PRKN: variants seen among roughly 807,000 people sequenced by gnomAD.
PRKN encodes E3 ubiquitin-protein ligase parkin.
A neutral mutation model predicts 59.5 loss-of-function variants in PRKN; 56 were observed. That is an observed-to-expected ratio of 0.94 (90% CI 0.76 to 1.18). The LOEUF (loss-of-function observed/expected upper bound fraction) is 1.18. Ranked by LOEUF, PRKN falls within the 50% of genes most tolerant of loss-of-function variation. The probability of loss-of-function intolerance (pLI) is 0.00; values close to 1 mark genes in which losing one functional copy is unlikely to be tolerated. For missense variants in PRKN, 657 were observed against 596.4 expected, an observed-to-expected ratio of 1.10 and a Z score of -1.06; for synonymous variants, 250 against 222.1, an observed-to-expected ratio of 1.13 and a Z score of -1.12.
chr6:161,814,495 G>A (rs1007999473), intron 6 of PRKN, among the ~76,000 whole-genome samples: 4 of 152,068 alleles, frequency 2.6e-5, no homozygotes, highest in Admixed American at 2.6e-4. Context: ...TGTGTGCAGG[G>A]GAACTGCCTT....
intron 4 of PRKN, among the ~76,000 whole-genome samples, chr6:162,125,010 T>C (rs9355982): frequency 0.39 from 59,312 of 151,986 alleles, 12,015 homozygotes; most frequent in African/African-American, 0.47. Context: ...AATGCTTGCA[T>C]AGGAAGCTCT....
chr6:162,071,334 C>T lies in PRKN; in HGVS notation c.535-17160G>A, dbSNP rs192694181. On this transcript the variant is annotated intron_variant, in intron 4 of 11. Transcript: ENST00000366898. ...TTTCCCCACTTTCTGACAATGTGGCCCATTTTGATTTTCCTTTATTGTTAT... is the reference window on the plus strand; with the variant it reads ...TTTCCCCACTTTCTGACAATGTGGCTCATTTTGATTTTCCTTTATTGTTAT... 1.8e-3 allele frequency among the ~76,000 whole-genome samples: 277 copies of T among 151,542 alleles called. 1 individual carries two copies. Among genetic ancestry groups the T allele is most frequent in the Admixed American group, 3.7e-3 (56 of 15,248 alleles).
At chr6:162,443,838 C>G (rs1305268345) in intron 1 of PRKN, among the ~76,000 whole-genome samples, 1 of 152,124 alleles carries the variant, frequency 6.6e-6, no homozygotes, top group African/African-American at 2.4e-5. Context: ...CACACTCACA[C>G]TCCCTCCACA....
In PRKN at chr6:162,520,863, T is replaced by A. The variant is rs752762379; in HGVS notation, c.8-77390A>T. On this transcript the variant is annotated intron_variant, in intron 1 of 11. Coordinates refer to ENST00000366898, the MANE Select transcript of PRKN (RefSeq NM_004562.3). Reference sequence around the variant, plus strand: ...CCAATGACTTTCGCTAAGCAAATCTTTTTAAAACAGCTCAAATAGTATGAG... The same window carrying A: ...CCAATGACTTTCGCTAAGCAAATCTATTTAAAACAGCTCAAATAGTATGAG... Among the ~76,000 whole-genome samples, 35 of 152,204 alleles carry A rather than the reference T, an allele frequency of 2.3e-4. 1 individual carries two copies. Among genetic ancestry groups the A allele is most frequent in the Non-Finnish European group, 4.4e-4 (30 of 68,036 alleles).
At chr6:162,292,667 A>G (rs780454037) in intron 2 of PRKN, among the ~76,000 whole-genome samples, 9 of 152,348 alleles carry the variant, frequency 5.9e-5, no homozygotes, top group Middle Eastern at 3.4e-3. Context: ...GGATACCCAC[A>G]GGATGTGTGA....
intron 3 of PRKN, among the ~76,000 whole-genome samples, chr6:162,257,107 T>A (rs1047462975): frequency 2.6e-5 from 4 of 152,130 alleles, no homozygotes; most frequent in African/African-American, 9.7e-5. Context: ...CAGCTTTTTG[T>A]CAATTGCATG....
chr6:161,817,622 G>T (rs1791843312), intron 6 of PRKN, among the ~76,000 whole-genome samples: 1 of 152,232 alleles, frequency 6.6e-6, no homozygotes, highest in East Asian at 1.9e-4. Context: ...TTATTTTTAA[G>T]AAAAGTTAAC....
Position 161,503,587 on chromosome 6 carries a change from G to A in PRKN, c.1083+45267C>T, listed in dbSNP as rs997112357. On this transcript the variant is annotated intron_variant, in intron 9 of 11. Transcript: ENST00000366898. The surrounding 1 kb of genome is among the most constrained non-coding windows in gnomAD (Gnocchi z 5.1). ...CAGAGGTTTATGGAGGTGAGGGACT[G>A]GACTGAGGGGGCTATGGGGGCGACC... is the stretch of plus-strand genomic sequence containing the variant. Among the ~76,000 whole-genome samples the A allele has an allele frequency of 1.3e-5, 2 of 152,150 alleles. No individual in the cohort carries two copies. Among genetic ancestry groups the A allele is most frequent in the African/African-American group, 4.8e-5 (2 of 41,416 alleles).
chr6:161,520,013 G>A (rs1480802293), intron 9 of PRKN, among the ~76,000 whole-genome samples: 2 of 152,120 alleles, frequency 1.3e-5, no homozygotes, highest in African/African-American at 4.8e-5. Context: ...GTGGGGAGGA[G>A]GAATAGCTTG....
intron 2 of PRKN, among the ~76,000 whole-genome samples, chr6:162,377,028 A>G (rs533314118): frequency 6.6e-6 from 1 of 152,140 alleles, no homozygotes; most frequent in Non-Finnish European, 1.5e-5. Flanking sequence ...CTTAGCAGGA[A>G]CCGCTGCAGC....
At chr6:161,674,910 A>G (rs1785034813) in intron 7 of PRKN, among the ~76,000 whole-genome samples, 1 of 152,202 alleles carries the variant, frequency 6.6e-6, no homozygotes, top group South Asian at 2.1e-4. Flanking sequence ...AGGCAGCGCC[A>G]AGGAGCCCCT....
At chr6:161,849,582 T>A (rs1490181077) in intron 6 of PRKN, among the ~76,000 whole-genome samples, 6 of 152,190 alleles carry the variant, frequency 3.9e-5, no homozygotes, top group Admixed American at 3.9e-4. Context: ...TGCACTGATT[T>A]ACCTGCCTTT....
chr6:162,556,372 T>TGTGTGTGTGTGTGCGC (rs1779592530), intron 1 of PRKN, among the ~76,000 whole-genome samples: 2 of 99,372 alleles, frequency 2.0e-5, no homozygotes, highest in East Asian at 7.4e-4. Flanking sequence ...TGTGTGTGTG[T>TGTGTGTGTGTGTGCGC]GTGTGTGTGT....
intron 1 of PRKN, among the ~76,000 whole-genome samples, chr6:162,671,869 G>A (rs1350053747): frequency 6.6e-6 from 1 of 152,116 alleles, no homozygotes; most frequent in African/African-American, 2.4e-5. Context: ...GGCAGGTGCT[G>A]AGAGGAGGAG....
At position 161,487,914 on chromosome 6, in the gene PRKN, T is replaced by A. The variant is rs1351525624; in HGVS notation, c.1083+60940A>T. Among the ~76,000 whole-genome samples, 1 of 152,118 alleles carries A rather than the reference T, an allele frequency of 6.6e-6. No homozygotes were observed. The highest frequency in any genetic ancestry group is 1.5e-5 in the Non-Finnish European group (1 of 68,036). ...TCCTTCCTCTTTTTCTTCCCTCCCG[T>A]CATTAAACACATATTTACTGAATAC... On this transcript the variant is annotated intron_variant, in intron 9 of 11. Coordinates refer to ENST00000366898, the MANE Select transcript of PRKN (RefSeq NM_004562.3). The surrounding 1 kb of genome is among the most constrained non-coding windows in gnomAD (Gnocchi z 5.3).
intron 4 of PRKN, among the ~76,000 whole-genome samples, chr6:162,117,703 C>G (rs760546876): frequency 2.6e-5 from 4 of 152,222 alleles, no homozygotes; most frequent in Admixed American, 6.5e-5. Context: ...GTTCCAGGCT[C>G]CATCCTTTCT....
rs561266371 is a variant in PRKN at position 162,527,371 on chromosome 6, G to A, written c.8-83898C>T. ...ATGCAAAAACCGTTTTCACCAACAGGAAAATCCAAAATAAGTACATTCGAG... is the reference window on the plus strand; with the variant it reads ...ATGCAAAAACCGTTTTCACCAACAGAAAAATCCAAAATAAGTACATTCGAG... On this transcript the variant is annotated intron_variant, in intron 1 of 11. Coordinates refer to ENST00000366898, the MANE Select transcript of PRKN (RefSeq NM_004562.3). Among the ~76,000 whole-genome samples the A allele has an allele frequency of 9.1e-4, 139 of 152,176 alleles. 3 individuals are homozygous for A. In the Middle Eastern group the frequency reaches 0.044, roughly 48 times the overall value.
At chr6:162,122,662 CT>C (rs1389776422) in intron 4 of PRKN, among the ~76,000 whole-genome samples, 1 of 152,030 alleles carries the variant, frequency 6.6e-6, no homozygotes, top group Admixed American at 6.6e-5. Context: ...CTAGAAAAGC[CT>C]TAGTGGTGGT....
intron 9 of PRKN, among the ~76,000 whole-genome samples, chr6:161,431,534 T>C (rs1211019567): frequency 1.3e-5 from 2 of 152,188 alleles, no homozygotes; most frequent in East Asian, 3.8e-4. Context: ...CCACCTCTTA[T>C]TAACAACAAA....
Sources: gnomAD v4.1 joint callset for allele counts (sites outside exome capture counted in the v4.1 genomes callset) on GRCh38, gnomAD v4.1.1 for gene constraint, Gnocchi (gnomAD v3.1) non-coding constraint, MANE v1.5 for transcripts, NCBI Gene and HGNC (gene_info 2026-07-23, HGNC 2026-07-21) for gene names.